GPC5: variants seen among roughly 807,000 people sequenced by gnomAD.
The protein encoded by GPC5 is glypican-5.
Under a neutral mutation model 53.9 loss-of-function variants are expected in GPC5, and 47 were observed. The ratio of observed to expected loss-of-function variants is 0.87; its 90% CI spans 0.69 to 1.11. The LOEUF (loss-of-function observed/expected upper bound fraction) is 1.11, where lower values mean the gene tolerates loss of function less well. Ranked by LOEUF, GPC5 falls within the 50% of genes most tolerant of loss-of-function variation. The pLI is 0.00. For missense variants in GPC5, 748 were observed against 713.1 expected (o/e 1.05, Z -0.56); for synonymous variants, 286 against 263.3 (o/e 1.09, Z -0.84).
chr13:92,290,859 G>C (rs1435935906), intron 7 of GPC5, among the ~76,000 whole-genome samples: 2 of 152,278 alleles, frequency 1.3e-5, no homozygotes, highest in East Asian at 1.9e-4. Flanking sequence ...GCTGGAGCTG[G>C]CTCCCTTAGC....
At chr13:91,659,768 G>C (rs572416604) in intron 2 of GPC5, among the ~76,000 whole-genome samples, 1 of 152,122 alleles carries the variant, frequency 6.6e-6, no homozygotes, top group African/African-American at 2.4e-5. Flanking sequence ...CACCATGATC[G>C]CCACCTCCTG....
intron 7 of GPC5, among the ~76,000 whole-genome samples, chr13:92,196,914 G>A (rs980439391): frequency 6.6e-6 from 1 of 152,124 alleles, no homozygotes; most frequent in African/African-American, 2.4e-5. Context: ...TGAATGACAT[G>A]CTCCTAAGTT....
chr13:92,051,825 C>G (rs1286489920), intron 6 of GPC5, among the ~76,000 whole-genome samples: 2 of 152,172 alleles, frequency 1.3e-5, no homozygotes, highest in Non-Finnish European at 2.9e-5. Context: ...GGACCACCCT[C>G]TAGACCAGAC....
At chr13:91,607,843 T>A (rs924319957) in intron 2 of GPC5, among the ~76,000 whole-genome samples, 17 of 152,272 alleles carry the variant, frequency 1.1e-4, no homozygotes, top group South Asian at 6.2e-4. Flanking sequence ...TTTAATTCCT[T>A]CCCAGGTGGA....
intron 7 of GPC5, among the ~76,000 whole-genome samples, chr13:92,159,215 T>A (rs1023548839): frequency 6.6e-6 from 1 of 152,338 alleles, no homozygotes; most frequent in East Asian, 1.9e-4. Flanking sequence ...TACTTTTATT[T>A]TTTTCTGCCA....
intron 7 of GPC5, among the ~76,000 whole-genome samples, chr13:92,177,355 T>C (rs1445980558): frequency 2.0e-5 from 3 of 152,230 alleles, no homozygotes; most frequent in Non-Finnish European, 4.4e-5. Context: ...GTGGATTATA[T>C]TTTCAAAGGT....
At chr13:92,662,384 A>C (rs1433792767) in intron 7 of GPC5, among the ~76,000 whole-genome samples, 1 of 152,144 alleles carries the variant, frequency 6.6e-6, no homozygotes, top group Non-Finnish European at 1.5e-5. Context: ...TCTTTTAAAT[A>C]CTGTTCCTGC....
At chr13:92,655,797 T>C (rs763539176) in intron 7 of GPC5, among the ~76,000 whole-genome samples, 2 of 152,114 alleles carry the variant, frequency 1.3e-5, no homozygotes, top group Non-Finnish European at 2.9e-5. Flanking sequence ...TTCAAGTAAC[T>C]CTCATAGTAG....
chr13:92,279,914 T>C (rs1171987662), intron 7 of GPC5, among the ~76,000 whole-genome samples: 6 of 152,136 alleles, frequency 3.9e-5, no homozygotes, highest in Admixed American at 3.9e-4. Flanking sequence ...AATTCTGGCT[T>C]CATAGAACGT....
chr13:92,814,083 T>C (rs1877383425), intron 7 of GPC5, among the ~76,000 whole-genome samples: 1 of 152,010 alleles, frequency 6.6e-6, no homozygotes, highest in Admixed American at 6.6e-5. Flanking sequence ...ATTTATATGG[T>C]CAATTGATTT....
At chr13:92,605,040 T>A (rs1018489961) in intron 7 of GPC5, among the ~76,000 whole-genome samples, 1 of 152,212 alleles carries the variant, frequency 6.6e-6, no homozygotes, top group African/African-American at 2.4e-5. Context: ...CCCAGACGAA[T>A]TGCTGAATTA....
intron 7 of GPC5, among the ~76,000 whole-genome samples, chr13:92,804,735 A>G (rs906168115): frequency 2.7e-4 from 41 of 152,054 alleles, no homozygotes; most frequent in Admixed American, 2.6e-3. Flanking sequence ...ATTTCTCTAC[A>G]GCATATGGTG....
At chr13:91,749,686 G>C (rs560694626) in intron 4 of GPC5, among the ~76,000 whole-genome samples, 1 of 152,282 alleles carries the variant, frequency 6.6e-6, no homozygotes, top group South Asian at 2.1e-4. Flanking sequence ...CATAGAAGTT[G>C]ATTTATATTT....
At chr13:91,903,610 T>A (rs377003201) in intron 5 of GPC5, among the ~76,000 whole-genome samples, 16 of 152,172 alleles carry the variant, frequency 1.1e-4, no homozygotes, top group African/African-American at 3.9e-4. Flanking sequence ...TGGAAGAGAA[T>A]AACTGATTTT....
At chr13:91,686,608 A>G (rs1594429364) in intron 2 of GPC5, among the ~76,000 whole-genome samples, 1 of 152,018 alleles carries the variant, frequency 6.6e-6, no homozygotes, top group African/African-American at 2.4e-5. Context: ...TCAAGTGGCT[A>G]TAATGGTCTT....
chr13:92,756,158 A>T (rs1403005280), intron 7 of GPC5, among the ~76,000 whole-genome samples: 1 of 151,832 alleles, frequency 6.6e-6, no homozygotes, highest in Non-Finnish European at 1.5e-5. Context: ...CATCCCTGGG[A>T]TGCAAGGCTG....
At chr13:92,478,725 C>T (rs892118434) in intron 7 of GPC5, among the ~76,000 whole-genome samples, 1 of 152,126 alleles carries the variant, frequency 6.6e-6, no homozygotes, top group Non-Finnish European at 1.5e-5. Flanking sequence ...TGCTGTGATA[C>T]TCAGCATGGG....
intron 7 of GPC5, among the ~76,000 whole-genome samples, chr13:92,207,438 A>C (rs2139070047): frequency 6.6e-6 from 1 of 152,344 alleles, no homozygotes; most frequent in East Asian, 1.9e-4. Flanking sequence ...GATAGCAAAA[A>C]AAGAAAGTTG....
intron 6 of GPC5, among the ~76,000 whole-genome samples, chr13:92,036,740 GC>G (rs1431187075): frequency 6.6e-6 from 1 of 152,094 alleles, no homozygotes; most frequent in Non-Finnish European, 1.5e-5. Flanking sequence ...TCCTACTCCA[GC>G]CTTAAACATC....
Sources: allele counts gnomAD v4.1 joint callset (sites outside exome capture counted in the v4.1 genomes callset), GRCh38; gene constraint gnomAD v4.1.1; transcripts MANE v1.5; gene names NCBI Gene and HGNC (gene_info 2026-07-23, HGNC 2026-07-21).